MYO1E: variants seen among roughly 807,000 people sequenced by gnomAD.
MYO1E encodes the protein myosin IE, also known as unconventional myosin-Ie.
Under a neutral mutation model 151.1 loss-of-function variants are expected in MYO1E, and 68 were observed. That is an observed-to-expected ratio of 0.45 (90% CI 0.37 to 0.55). MYO1E has a LOEUF of 0.55. MYO1E is among the 20% of genes least tolerant of loss of function. The probability of loss-of-function intolerance (pLI) is 0.00; values close to 1 mark genes in which losing one functional copy is unlikely to be tolerated. For missense variants in MYO1E, 1,363 were observed against 1,389.3 expected (o/e 0.98, Z 0.30); for synonymous variants, 601 against 501.7 (o/e 1.20, Z -2.64).
chr15:59,276,431 G>A (rs1327739714), intron 1 of MYO1E, among the ~76,000 whole-genome samples: 5 of 152,110 alleles, frequency 3.3e-5, no homozygotes, highest in East Asian at 1.9e-4. Flanking sequence ...GGGCAGTGGC[G>A]GGCGTGCCAG....
chr15:59,207,328 A>C, intron 14 of MYO1E: 1 of 1,614,112 alleles, frequency 6.2e-7, no homozygotes, highest in Non-Finnish European at 8.5e-7. Flanking sequence ...TGTTTGTAGC[A>C]AAGATTACTT....
At chr15:59,371,962 G>GC (rs1437521764) in intron 1 of MYO1E, among the ~76,000 whole-genome samples, 1 of 149,534 alleles carries the variant, frequency 6.7e-6, no homozygotes, top group Non-Finnish European at 1.5e-5. Context: ...GCCAGGGACC[G>GC]CCCCCGCCCG....
At chr15:59,342,110 G>C (rs901105442) in intron 1 of MYO1E, among the ~76,000 whole-genome samples, 11 of 152,080 alleles carry the variant, frequency 7.2e-5, no homozygotes, top group African/African-American at 2.2e-4. Context: ...GTTTTCATTG[G>C]CATGTCTCTG....
chr15:59,207,023 TG>T, intron 14 of MYO1E: 1 of 1,613,646 alleles, frequency 6.2e-7, no homozygotes, highest in Non-Finnish European at 8.5e-7. Context: ...GGGATGGCCC[TG>T]TGTCCGCGTC....
intron 14 of MYO1E, chr15:59,207,173 G>C (rs2079842285): frequency 2.5e-6 from 4 of 1,614,252 alleles, no homozygotes; most frequent in Non-Finnish European, 3.4e-6. Context: ...ATAGGAACTG[G>C]ATCGGTGGGC....
chr15:59,136,062 G>A lies in MYO1E; in HGVS notation c.*1318C>T, dbSNP rs1355644835. ...GGCTGGTTCCTTGTGAGGGTGTGAG[G>A]GAGAATCTGTTCCAGGCCTCTGTCC... On this transcript the variant is annotated 3_prime_UTR_variant, in exon 28 of 28. Transcript: ENST00000288235. 6.6e-6 allele frequency: 1 copy of A among 152,282 alleles called. No individual in the cohort carries two copies. The highest frequency in any genetic ancestry group is 1.5e-5 in the Non-Finnish European group (1 of 68,126). The allele number at this position is 152,282 out of a possible 1,614,324, so 9.4% of individuals were successfully genotyped here. A position where few individuals can be genotyped will look rare whatever the true frequency, so the allele number is the denominator to read the frequency against.
At chr15:59,163,361 G>GT (rs3214992) in intron 22 of MYO1E, 58 bp from the exon 23 acceptor site, 46,280 of 1,256,830 alleles carry the variant, frequency 0.037, 1 homozygote, top group South Asian at 0.044. Flanking sequence ...TTACTCTATT[G>GT]TTTTTTTTTT....
At chr15:59,342,270 G>A (rs1224530506) in intron 1 of MYO1E, among the ~76,000 whole-genome samples, 1 of 152,138 alleles carries the variant, frequency 6.6e-6, no homozygotes, top group Admixed American at 6.5e-5. Flanking sequence ...GTATTCTGGT[G>A]ATTAAACCCT....
chr15:59,157,598 A>G (rs2079516092), intron 25 of MYO1E, among the ~76,000 whole-genome samples: 1 of 152,142 alleles, frequency 6.6e-6, no homozygotes, highest in African/African-American at 2.4e-5. Context: ...CCCCATCATC[A>G]GTCACTAAGC....
At chr15:59,326,461 T>C (rs540326376) in intron 1 of MYO1E, among the ~76,000 whole-genome samples, 5 of 152,234 alleles carry the variant, frequency 3.3e-5, no homozygotes, top group Admixed American at 6.5e-5. Flanking sequence ...AGGTGGAGGC[T>C]GCAGTGAGCC....
At chr15:59,363,167 C>CG (rs1294750607) in intron 1 of MYO1E, among the ~76,000 whole-genome samples, 2 of 151,932 alleles carry the variant, frequency 1.3e-5, no homozygotes, top group African/African-American at 4.8e-5. Flanking sequence ...TTAGTAGAGA[C>CG]GGGGTTTCAC....
At chr15:59,176,090 G>A (rs1386374384) in intron 19 of MYO1E, among the ~76,000 whole-genome samples, 1 of 152,114 alleles carries the variant, frequency 6.6e-6, no homozygotes, top group Admixed American at 6.6e-5. Flanking sequence ...GCAGAGTCTT[G>A]CTCTGTCACC....
At chr15:59,191,366 G>GAGAGAGAA in intron 17 of MYO1E, among the ~76,000 whole-genome samples, 1 of 141,112 alleles carries the variant, frequency 7.1e-6, no homozygotes, top group African/African-American at 2.6e-5. Flanking sequence ...GAGAGAGAGA[G>GAGAGAGAA]AGAAAGAAAT....
At chr15:59,186,274 A>T (rs1300434187) in intron 18 of MYO1E, among the ~76,000 whole-genome samples, 4 of 152,122 alleles carry the variant, frequency 2.6e-5, no homozygotes, top group East Asian at 1.9e-4. Flanking sequence ...TAAAACCTCT[A>T]AATGGTGAGT....
chr15:59,162,963 T>C (rs752078581), intron 23 of MYO1E, among the ~76,000 whole-genome samples, 194 bp downstream of exon 23: 1 of 152,218 alleles, frequency 6.6e-6, no homozygotes, highest in Non-Finnish European at 1.5e-5. Context: ...TTCACAGAAA[T>C]GCAAAAGTAA....
At chr15:59,235,706 G>A (rs1350055354) in intron 5 of MYO1E, among the ~76,000 whole-genome samples, 1 of 152,194 alleles carries the variant, frequency 6.6e-6, no homozygotes, top group African/African-American at 2.4e-5. Context: ...CAGAACTGCT[G>A]AGTCGAATGG....
chr15:59,153,822 C>T, intron 25 of MYO1E, 31 bp from the exon 26 acceptor site: 2 of 1,597,402 alleles, frequency 1.3e-6, no homozygotes, highest in Non-Finnish European at 1.7e-6. Context: ...GGAAATAAGG[C>T]TCAGATTTTT....
intron 1 of MYO1E, among the ~76,000 whole-genome samples, chr15:59,330,337 C>T (rs1352374600): frequency 6.6e-6 from 1 of 152,192 alleles, no homozygotes; most frequent in African/African-American, 2.4e-5. Context: ...CCTCATCCTT[C>T]CTTGCTCACC....
chr15:59,192,115 T>C (rs150643205), intron 17 of MYO1E, among the ~76,000 whole-genome samples: 7 of 152,230 alleles, frequency 4.6e-5, no homozygotes, highest in Non-Finnish European at 7.4e-5. Context: ...TCCTGACTCA[T>C]GGATGGAGTG....
Sources: gnomAD v4.1 joint callset for allele counts (sites outside exome capture counted in the v4.1 genomes callset) on GRCh38, gnomAD v4.1.1 for gene constraint, MANE v1.5 for transcripts, NCBI Gene and HGNC (gene_info 2026-07-23, HGNC 2026-07-21) for gene names.